The following CTNNA2 variants were observed in gnomAD, a reference collection of about 807,000 sequenced individuals.
CTNNA2 encodes catenin alpha 2.
Under a neutral mutation model 101.0 loss-of-function variants are expected in CTNNA2, and 42 were observed. The ratio of observed to expected loss-of-function variants is 0.42; its 90% confidence interval spans 0.32 to 0.54. CTNNA2 has a LOEUF of 0.54. CTNNA2 is among the 20% of genes least tolerant of loss of function. CTNNA2 has a pLI of 0.14. For synonymous variants in CTNNA2, 450 were observed against 456.4 expected (o/e 0.99, Z 0.18); for missense variants, 871 against 1,223.1 (o/e 0.71, Z 4.29).
chr2:79,828,780 A>G (rs1678639452), intron 3 of CTNNA2, among the ~76,000 whole-genome samples: 1 of 152,224 alleles, frequency 6.6e-6, no homozygotes. Flanking sequence ...TCACCTGAGA[A>G]CCTGTTAGAA....
chr2:80,177,764 C>T (rs1187219492), intron 7 of CTNNA2, among the ~76,000 whole-genome samples: 1 of 152,210 alleles, frequency 6.6e-6, no homozygotes, highest in East Asian at 1.9e-4. Context: ...TATACCTCTT[C>T]CCCAAATTTC....
intron 1 of CTNNA2, among the ~76,000 whole-genome samples, chr2:79,644,317 C>T (rs1229348478): frequency 3.3e-5 from 5 of 152,154 alleles, no homozygotes; most frequent in East Asian, 1.9e-4. Context: ...GGATTACAGG[C>T]GTAAGCCACC....
In CTNNA2 at chr2:79,570,614, A is replaced by G. The variant is rs571829853; in HGVS notation, c.-6+57407A>G. On this transcript the variant is annotated intron_variant, in intron 1 of 18. Transcript: ENST00000402739. ...AATTCAGAACACTTTTATAAAGAGG[A>G]AAAAAGATGAGAAACTCATTTTATT... Among the ~76,000 whole-genome samples, 4 of 152,304 alleles carry G rather than the reference A, an allele frequency of 2.6e-5. No individual in the cohort carries two copies. The East Asian group carries it at 7.7e-4, about 29-fold the overall frequency.
At chr2:79,202,337 T>TTA (rs1558571961) in intron 2 of CTNNA2, among the ~76,000 whole-genome samples, 2 of 145,888 alleles carry the variant, frequency 1.4e-5, no homozygotes, top group African/African-American at 5.2e-5. Context: ...GTTTTTTTAT[T>TTA]TTTTTTATTT....
At chr2:80,625,226 AG>A (rs1489403444) in intron 18 of CTNNA2, among the ~76,000 whole-genome samples, 2 of 152,078 alleles carry the variant, frequency 1.3e-5, no homozygotes, top group African/African-American at 4.8e-5. Context: ...GCTTTTTATT[AG>A]AATAGCAATA....
intron 4 of CTNNA2, chr2:79,499,150 T>C (rs1671290599): frequency 6.6e-6 from 1 of 152,218 alleles, no homozygotes; most frequent in Admixed American, 6.5e-5. Context: ...CTTCCTAGTT[T>C]AAGAGGAAGG....
chr2:80,542,888 A>C (rs1355991048), intron 9 of CTNNA2, among the ~76,000 whole-genome samples: 1 of 148,390 alleles, frequency 6.7e-6, no homozygotes, highest in African/African-American at 2.5e-5. Flanking sequence ...TCCCCCCCCC[A>C]CATGCCACTT....
intron 4 of CTNNA2, among the ~76,000 whole-genome samples, chr2:79,385,995 T>G (rs1406768969): frequency 2.6e-5 from 4 of 152,190 alleles, no homozygotes; most frequent in Middle Eastern, 3.2e-3. Flanking sequence ...TAAACATACA[T>G]GTGCATGTGT....
At chr2:80,283,252 C>A (rs529211974) in intron 7 of CTNNA2, among the ~76,000 whole-genome samples, 1 of 151,932 alleles carries the variant, frequency 6.6e-6, no homozygotes, top group African/African-American at 2.4e-5. Flanking sequence ...TTGACTCAAA[C>A]AAACTAAAGG....
At chr2:80,247,349 CT>C (rs1573503696) in intron 7 of CTNNA2, among the ~76,000 whole-genome samples, 1 of 152,148 alleles carries the variant, frequency 6.6e-6, no homozygotes, top group Non-Finnish European at 1.5e-5. Context: ...TTAAACCTCT[CT>C]TTCCTGGCCT....
intron 7 of CTNNA2, among the ~76,000 whole-genome samples, chr2:80,115,663 G>T (rs1701471491): frequency 2.0e-5 from 3 of 152,120 alleles, no homozygotes; most frequent in Non-Finnish European, 4.4e-5. Context: ...CAGAGGGAGG[G>T]CATACATATA....
At chr2:79,590,971 G>T (rs1046501842) in intron 1 of CTNNA2, among the ~76,000 whole-genome samples, 30 of 152,166 alleles carry the variant, frequency 2.0e-4, no homozygotes, top group African/African-American at 7.2e-4. Context: ...CTGAATGGCA[G>T]TGAGGTGTTG....
chr2:79,259,833 C>T (rs1425832971), intron 2 of CTNNA2, among the ~76,000 whole-genome samples: 2 of 152,180 alleles, frequency 1.3e-5, no homozygotes, highest in African/African-American at 2.4e-5. Context: ...ACTTGGCACA[C>T]TTACCAAGAG....
At chr2:79,666,599 C>T (rs977316358) in intron 2 of CTNNA2, among the ~76,000 whole-genome samples, 5 of 152,148 alleles carry the variant, frequency 3.3e-5, no homozygotes, top group African/African-American at 4.8e-5. Context: ...GATGTTTAAC[C>T]ACACAAATAC....
At chr2:80,200,736 A>G (rs1466843120) in intron 7 of CTNNA2, among the ~76,000 whole-genome samples, 25 of 152,042 alleles carry the variant, frequency 1.6e-4, no homozygotes, top group African/African-American at 5.8e-4. Context: ...GGGTTTCACC[A>G]TGTTGGCCAG....
chr2:80,000,007 A>G (rs1453281306), intron 7 of CTNNA2, among the ~76,000 whole-genome samples: 1 of 152,164 alleles, frequency 6.6e-6, no homozygotes, highest in Non-Finnish European at 1.5e-5. Context: ...GAGAAGAACT[A>G]GTGTGGGTCT....
Position 79,314,933 on chromosome 2 carries a change from A to G in CTNNA2, c.-318+2137A>G, listed in dbSNP as rs73938186. ...TCTTGCACTGATCCTTTAATGCACA[A>G]AGGTTATAATAGGCTCAAAGGCACA... On this transcript the variant is annotated intron_variant, in intron 3 of 21. Transcript: ENST00000466387. Among the ~76,000 whole-genome samples the G allele has an allele frequency of 2.2e-3, 335 of 152,310 alleles. 3 individuals carry two copies. Among genetic ancestry groups the G allele is most frequent in the African/African-American group, 6.7e-3 (279 of 41,574 alleles).
chr2:79,301,472 C>A (rs1366496247), intron 2 of CTNNA2, among the ~76,000 whole-genome samples: 1 of 152,136 alleles, frequency 6.6e-6, no homozygotes. Context: ...ACTGTTGGCC[C>A]AAGCCATGGT....
intron 9 of CTNNA2, among the ~76,000 whole-genome samples, chr2:80,520,026 C>T (rs1311398124): frequency 6.6e-6 from 1 of 152,058 alleles, no homozygotes; most frequent in Non-Finnish European, 1.5e-5. Context: ...TGCTTAGAAG[C>T]CTCTTTCCTT....
Sources: gnomAD v4.1 joint callset for allele counts (sites outside exome capture counted in the v4.1 genomes callset) on GRCh38, gnomAD v4.1.1 for gene constraint, MANE v1.5 for transcripts, NCBI Gene and HGNC (gene_info 2026-07-23, HGNC 2026-07-21) for gene names.